The following KIAA1217 variants were observed in gnomAD, a reference collection of about 807,000 sequenced individuals.
KIAA1217 encodes sickle tail protein homolog.
A neutral mutation model predicts 163.9 loss-of-function variants in KIAA1217; 88 were observed. That is an observed-to-expected ratio of 0.54 (90% confidence interval 0.45 to 0.64). The LOEUF (loss-of-function observed/expected upper bound fraction) is 0.64, where lower values mean the gene tolerates loss of function less well. KIAA1217 is among the 30% of genes least tolerant of loss of function. KIAA1217 has a pLI of 0.00. For synonymous variants in KIAA1217, 903 were observed against 923.1 expected (o/e 0.98, Z 0.39); for missense variants, 2,372 against 2,475.0 (o/e 0.96, Z 0.88).
chr10:23,943,501 C>A (rs1422054313), intron 1 of KIAA1217, among the ~76,000 whole-genome samples: 1 of 152,140 alleles, frequency 6.6e-6, no homozygotes, highest in Non-Finnish European at 1.5e-5. Flanking sequence ...ATATACCATG[C>A]CCCTGGATTA....
chr10:23,922,159 G>A (rs1400054496), intron 1 of KIAA1217, among the ~76,000 whole-genome samples: 2 of 151,992 alleles, frequency 1.3e-5, no homozygotes, highest in Non-Finnish European at 2.9e-5. Flanking sequence ...AATCATGCCT[G>A]CATAATGCAA....
Position 24,546,656 on chromosome 10 carries a change from A to G in KIAA1217, c.*332A>G. 1 of 208,356 alleles carries G rather than the reference A, an allele frequency of 4.8e-6. No homozygotes were observed. Among genetic ancestry groups the G allele is most frequent in the Non-Finnish European group, 9.6e-6 (1 of 104,128 alleles). 12.9% of individuals were successfully genotyped at this position (208,356 alleles called of 1,614,324 possible). A position where few individuals can be genotyped will look rare whatever the true frequency, so the allele number is the denominator to read the frequency against. Reference sequence around the variant, plus strand: ...CATATAAAACATGTATGATTCCAGAATTTTAGTATGTTTTGTATAAAACTA... The same window carrying G: ...CATATAAAACATGTATGATTCCAGAGTTTTAGTATGTTTTGTATAAAACTA... On this transcript the variant is annotated 3_prime_UTR_variant, in exon 21 of 21. Coordinates refer to ENST00000376454, the MANE Select transcript of KIAA1217 (RefSeq NM_019590.5).
Position 23,836,430 on chromosome 10 carries a change from C to T in KIAA1217, c.-321+141196C>T, listed in dbSNP as rs78855076. ...CCATGTGAAGACACAGGGAGCAGAC[C>T]GCCATGCAGGAGCCAAGGAGGGAGG... On this transcript the variant is annotated intron_variant, in intron 1 of 18. Coordinates refer to the KIAA1217 transcript ENST00000376462. Among the ~76,000 whole-genome samples, 770 of 151,774 alleles carry T rather than the reference C, an allele frequency of 5.1e-3. 5 individuals are homozygous for T. The highest frequency in any genetic ancestry group is 0.017 in the African/African-American group (717 of 41,364).
At chr10:23,885,257 C>A (rs1048573534) in intron 1 of KIAA1217, among the ~76,000 whole-genome samples, 2 of 151,736 alleles carry the variant, frequency 1.3e-5, no homozygotes, top group Non-Finnish European at 2.9e-5. Context: ...TATATAGTTA[C>A]TGTGTGTGTG....
intron 6 of KIAA1217, among the ~76,000 whole-genome samples, chr10:24,485,089 C>CTTT (rs71506835): frequency 7.1e-6 from 1 of 140,942 alleles, no homozygotes. Context: ...GACCTGCCCG[C>CTTT]TTTTTTTTTT....
rs375777933 is a variant in KIAA1217, at chr10:24,484,477, C to T, written c.1680-10023C>T. The stretch of plus-strand genomic sequence containing the variant: ...GGCCAGGCTGGTTTTGAACTCCTGA[C>T]TTCAAGGGATCCGCCCACCTCGGCC... On this transcript the variant is annotated intron_variant, in intron 6 of 20. Transcript: ENST00000376454. 9.9e-5 allele frequency among the ~76,000 whole-genome samples: 15 copies of T among 151,762 alleles called. No individual in the cohort carries two copies. In the East Asian group the frequency reaches 1.7e-3, roughly 18 times the overall value.
chr10:23,873,247 T>A (rs1171099393), intron 1 of KIAA1217, among the ~76,000 whole-genome samples: 1 of 152,100 alleles, frequency 6.6e-6, no homozygotes, highest in East Asian at 1.9e-4. Flanking sequence ...CTATTCATTC[T>A]CTTAATCCCA....
intron 2 of KIAA1217, among the ~76,000 whole-genome samples, chr10:24,194,492 C>G (rs1205883389): frequency 6.6e-6 from 1 of 151,302 alleles, no homozygotes; most frequent in Non-Finnish European, 1.5e-5. Flanking sequence ...TGACCTCTGG[C>G]CTTTATTTTC....
chr10:23,811,005 C>A (rs11013722), intron 1 of KIAA1217, among the ~76,000 whole-genome samples: 1 of 112,894 alleles, frequency 8.9e-6, no homozygotes, highest in African/African-American at 3.5e-5. Context: ...TATTATTATA[C>A]TATATAGAGT....
chr10:23,929,054 G>A (rs1311188772), intron 1 of KIAA1217, among the ~76,000 whole-genome samples: 1 of 152,200 alleles, frequency 6.6e-6, no homozygotes, highest in East Asian at 1.9e-4. Flanking sequence ...AGGCAAGGCA[G>A]AAAGAAGAGG....
intron 1 of KIAA1217, among the ~76,000 whole-genome samples, chr10:23,771,623 C>T (rs963861740): frequency 3.3e-5 from 5 of 152,172 alleles, no homozygotes; most frequent in Non-Finnish European, 5.9e-5. Context: ...TGGGCGGTGC[C>T]CCTCCAAGCA....
intron 3 of KIAA1217, among the ~76,000 whole-genome samples, chr10:24,382,138 C>A (rs2053402713): frequency 6.6e-6 from 1 of 151,586 alleles, no homozygotes; most frequent in Non-Finnish European, 1.5e-5. Context: ...GTCAAGGGGG[C>A]AGATGTTTCT....
chr10:24,457,537 A>G (rs959125378), intron 5 of KIAA1217, among the ~76,000 whole-genome samples: 1 of 152,130 alleles, frequency 6.6e-6, no homozygotes, highest in Non-Finnish European at 1.5e-5. Context: ...GCCAGGGTAC[A>G]GGCATGCACC....
chr10:24,069,598 A>G (rs901403104), intron 2 of KIAA1217, among the ~76,000 whole-genome samples: 4 of 152,204 alleles, frequency 2.6e-5, no homozygotes, highest in African/African-American at 9.6e-5. Flanking sequence ...TGCTGGGGGT[A>G]GGGGTTATAG....
chr10:23,708,414 C>T (rs1258801263), intron 1 of KIAA1217, among the ~76,000 whole-genome samples: 1 of 152,178 alleles, frequency 6.6e-6, no homozygotes, highest in Non-Finnish European at 1.5e-5. Flanking sequence ...CAGGTGGATG[C>T]CCTGAGGCTC....
At chr10:23,935,255 C>G (rs530461418) in intron 1 of KIAA1217, among the ~76,000 whole-genome samples, 2 of 152,308 alleles carry the variant, frequency 1.3e-5, no homozygotes, top group South Asian at 4.1e-4. Context: ...TAAGGAAGCA[C>G]TTACAGACGA....
chr10:23,806,273 T>C (rs982775460), intron 1 of KIAA1217, among the ~76,000 whole-genome samples: 1 of 152,134 alleles, frequency 6.6e-6, no homozygotes, highest in Non-Finnish European at 1.5e-5. Context: ...AATATTCTCA[T>C]AGGTTAAAAG....
intron 1 of KIAA1217, among the ~76,000 whole-genome samples, chr10:23,764,069 C>T (rs991832388): frequency 6.6e-6 from 1 of 151,824 alleles, no homozygotes; most frequent in Non-Finnish European, 1.5e-5. Flanking sequence ...CTGACAAAGG[C>T]CTAATATCCA....
At chr10:24,424,688 C>T (rs541419895) in intron 3 of KIAA1217, among the ~76,000 whole-genome samples, 53 of 152,266 alleles carry the variant, frequency 3.5e-4, no homozygotes, top group Non-Finnish European at 5.3e-4. Context: ...ACTGCAACTC[C>T]GCCTCCCAGG....
Sources: gnomAD v4.1 joint callset for allele counts (sites outside exome capture counted in the v4.1 genomes callset) on GRCh38, gnomAD v4.1.1 for gene constraint, MANE v1.5 for transcripts, NCBI Gene and HGNC (gene_info 2026-07-23, HGNC 2026-07-21) for gene names.